CEP63: variants seen among roughly 807,000 people sequenced by gnomAD.
CEP63 encodes centrosomal protein of 63 kDa.
CEP63 carries 84 observed loss-of-function variants against 89.1 expected under a neutral mutation model. That is an observed-to-expected ratio of 0.94 (90% CI 0.79 to 1.13). The LOEUF is 1.13. Ranked by LOEUF, CEP63 falls within the 50% of genes most tolerant of loss-of-function variation. CEP63 has a pLI of 0.00. For missense variants in CEP63, 838 were observed against 813.3 expected, an observed-to-expected ratio of 1.03 and a Z score of -0.37; for synonymous variants, 267 against 272.5, an observed-to-expected ratio of 0.98 and a Z score of 0.20.
intron 7 of CEP63, 109 bp downstream of exon 7, chr3:134,545,928 A>G: frequency 1.1e-6 from 1 of 891,858 alleles, no homozygotes; most frequent in Non-Finnish European, 1.7e-6. Context: ...TCCCTACTTT[A>G]TAAATGATGG....
At chr3:134,769,771 T>C in the CEP63 span, among the ~76,000 whole-genome samples, 1 of 152,252 alleles carries the variant, frequency 6.6e-6, no homozygotes, top group Non-Finnish European at 1.5e-5. Flanking sequence ...GTCCTGGTTG[T>C]CATCTTACCT....
downstream of CEP63, among the ~76,000 whole-genome samples, chr3:134,590,955 A>G (rs1457768003): frequency 6.6e-6 from 1 of 152,032 alleles, no homozygotes; most frequent in Non-Finnish European, 1.5e-5. Context: ...TCCCATTACT[A>G]TCCTCTTAGG....
upstream of CEP63, chr3:134,485,884 C>G (rs1481676221): frequency 4.8e-6 from 3 of 630,442 alleles, no homozygotes; most frequent in Non-Finnish European, 2.0e-6. Flanking sequence ...AGGGGGAAGT[C>G]CGACACTGAG....
chr3:134,615,993 C>T, the CEP63 span, among the ~76,000 whole-genome samples: 1 of 152,210 alleles, frequency 6.6e-6, no homozygotes, highest in Non-Finnish European at 1.5e-5. Context: ...CTTTATCCAA[C>T]GTCTCTGAAA....
the CEP63 span, among the ~76,000 whole-genome samples, chr3:134,665,339 C>T: frequency 6.6e-6 from 1 of 152,206 alleles, no homozygotes; most frequent in Non-Finnish European, 1.5e-5. Context: ...CATCCAGTTC[C>T]CTGAGGCCAG....
intron 10 of CEP63, among the ~76,000 whole-genome samples, chr3:134,582,027 C>T (rs2110332113): frequency 6.6e-6 from 1 of 151,944 alleles, no homozygotes; most frequent in East Asian, 1.9e-4. Flanking sequence ...AGATAAAAAG[C>T]ATGATCAAAT....
chr3:134,532,666 T>C, intron 4 of CEP63, 112 bp from the exon 5 acceptor site: 1 of 751,016 alleles, frequency 1.3e-6, no homozygotes, highest in South Asian at 1.7e-5. Flanking sequence ...AAATCTAACA[T>C]GTTCTCAGTA....
At chr3:134,552,219 T>C (rs1170181467) in intron 12 of CEP63, 1 of 368,520 alleles carries the variant, frequency 2.7e-6, no homozygotes, top group African/African-American at 2.1e-5. Flanking sequence ...GTTTGTTTTT[T>C]TGAGACGGGG....
chr3:134,629,602 G>A, the CEP63 span: 1 of 1,581,194 alleles, frequency 6.3e-7, no homozygotes, highest in African/African-American at 1.3e-5. Flanking sequence ...TCCACCATGA[G>A]TACCTGTGTC....
chr3:134,541,173 G>A (rs150929237), intron 6 of CEP63, among the ~76,000 whole-genome samples: 1 of 152,212 alleles, frequency 6.6e-6, no homozygotes, highest in East Asian at 1.9e-4. Flanking sequence ...TTGCGTATGT[G>A]TACTCAATTT....
the CEP63 span, among the ~76,000 whole-genome samples, chr3:134,677,161 CGGCAGGAGAA>C: frequency 1.2e-5 from 1 of 82,564 alleles, no homozygotes; most frequent in Non-Finnish European, 2.7e-5. Flanking sequence ...TGCTTGAACC[CGGCAGGAGAA>C]TTGCTTGAAC....
intron 10 of CEP63, among the ~76,000 whole-genome samples, chr3:134,580,892 G>GTAAT (rs1446262343): frequency 2.0e-5 from 3 of 152,200 alleles, no homozygotes; most frequent in Non-Finnish European, 4.4e-5. Context: ...GGTAGCCAAT[G>GTAAT]TAATTAATCA....
At chr3:134,770,087 G>A in the CEP63 span, among the ~76,000 whole-genome samples, 129 of 152,328 alleles carry the variant, frequency 8.5e-4, no homozygotes, top group Admixed American at 1.2e-3. Flanking sequence ...CAGCAAGGGC[G>A]TGGTGGTCTT....
the CEP63 span, among the ~76,000 whole-genome samples, chr3:134,707,997 C>T: frequency 6.6e-6 from 1 of 152,112 alleles, no homozygotes; most frequent in Non-Finnish European, 1.5e-5. Flanking sequence ...CTCCAAGGAC[C>T]ATGCCAAAAT....
downstream of CEP63, among the ~76,000 whole-genome samples, chr3:134,567,151 G>C (rs1249708708): frequency 1.4e-5 from 1 of 71,938 alleles, no homozygotes; most frequent in African/African-American, 4.8e-5. Context: ...CAGGAAGAAA[G>C]CAAAAAAAAA....
chr3:134,627,532 C>T, the CEP63 span, among the ~76,000 whole-genome samples: 1 of 152,296 alleles, frequency 6.6e-6, no homozygotes, highest in African/African-American at 2.4e-5. Flanking sequence ...GGGGTTTATA[C>T]TTTAGCTTTA....
rs1454918999 is a variant in CEP63 at position 134,564,517 on chromosome 3, C to T, written c.*2982C>T. 2 of 985,316 alleles carry T rather than the reference C, an allele frequency of 2.0e-6. No homozygotes were observed. The highest frequency in any genetic ancestry group is 1.2e-6 in the Non-Finnish European group (1 of 829,956). 61.0% of individuals were successfully genotyped at this position (985,316 alleles called of 1,614,324 possible). Reference sequence around the variant, plus strand: ...CTGTCTTTCAGGGGCTAAGTCCTGCCTACATCCTCAGTCAGCATGCTGCCT... The same window carrying T: ...CTGTCTTTCAGGGGCTAAGTCCTGCTTACATCCTCAGTCAGCATGCTGCCT... On this transcript the variant is annotated 3_prime_UTR_variant, in exon 15 of 15. Transcript: ENST00000675561.
chr3:134,591,076 G>A (rs1958587546), downstream of CEP63, among the ~76,000 whole-genome samples: 1 of 152,164 alleles, frequency 6.6e-6, no homozygotes, highest in Non-Finnish European at 1.5e-5. Flanking sequence ...TGGCTCATGA[G>A]AGGCAGATTT....
chr3:134,660,808 C>G, the CEP63 span, among the ~76,000 whole-genome samples: 18 of 152,262 alleles, frequency 1.2e-4, no homozygotes, highest in Admixed American at 2.6e-4. Flanking sequence ...AGTGTGAGGA[C>G]AGTCAGGTCT....
Sources: allele counts gnomAD v4.1 joint callset (sites outside exome capture counted in the v4.1 genomes callset), GRCh38; gene constraint gnomAD v4.1.1; transcripts MANE v1.5; gene names NCBI Gene and HGNC (gene_info 2026-07-23, HGNC 2026-07-21).